The following TEAD1 variants were observed in gnomAD, a reference collection of about 807,000 sequenced individuals.
The protein encoded by TEAD1 is TEA domain transcription factor 1, also known as transcriptional enhancer factor TEF-1.
A neutral mutation model predicts 54.9 loss-of-function variants in TEAD1; 9 were observed. The observed-to-expected ratio is 0.16, with a 90% CI of 0.10 to 0.29. The LOEUF (loss-of-function observed/expected upper bound fraction) is 0.29, where lower values mean the gene tolerates loss of function less well. TEAD1 is among the 10% of genes least tolerant of loss of function. The probability of loss-of-function intolerance (pLI) is 1.00; values close to 1 mark genes in which losing one functional copy is unlikely to be tolerated. For missense variants in TEAD1, 387 were observed against 535.9 expected (o/e 0.72, Z 2.74); for synonymous variants, 200 against 187.8 (o/e 1.07, Z -0.53).
chr11:12,728,263 G>T (rs752202572), intron 2 of TEAD1, among the ~76,000 whole-genome samples: 12 of 152,174 alleles, frequency 7.9e-5, no homozygotes, highest in Non-Finnish European at 1.6e-4. Context: ...TTCTCTTTTG[G>T]TCAGTGAGAC....
chr11:12,743,257 C>G (rs948160794), intron 2 of TEAD1, among the ~76,000 whole-genome samples: 11 of 152,172 alleles, frequency 7.2e-5, no homozygotes, highest in Admixed American at 4.6e-4. Flanking sequence ...CAATATATGT[C>G]GAGCTTATTG....
Position 12,736,128 on chromosome 11 carries a change from G to T in TEAD1, c.-54-28051G>T, listed in dbSNP as rs528311944. 2.6e-5 allele frequency among the ~76,000 whole-genome samples: 4 copies of T among 152,246 alleles called. No individual in the cohort carries two copies. In the South Asian group the frequency reaches 6.2e-4, roughly 24 times the overall value. ...ATGATTGTGACAATTGTTTACTCTG[G>T]CAAGTAGTTTGCCTCTTGGATTCCT... On this transcript the variant is annotated intron_variant, in intron 2 of 12. Coordinates refer to ENST00000527636, the MANE Select transcript of TEAD1 (RefSeq NM_021961.6).
chr11:12,683,930 C>T (rs908103893), intron 2 of TEAD1, among the ~76,000 whole-genome samples: 2 of 152,212 alleles, frequency 1.3e-5, no homozygotes, highest in African/African-American at 2.4e-5. Flanking sequence ...CTGCAAGCCT[C>T]GGTGTCCCCA....
intron 2 of TEAD1, among the ~76,000 whole-genome samples, chr11:12,678,521 C>T (rs1182826702): frequency 1.3e-5 from 2 of 152,164 alleles, no homozygotes; most frequent in South Asian, 4.1e-4. Flanking sequence ...TTTATTCTTT[C>T]ATATTCATAA....
At chr11:12,819,720 G>A (rs1418172948) in intron 3 of TEAD1, among the ~76,000 whole-genome samples, 1 of 152,084 alleles carries the variant, frequency 6.6e-6, no homozygotes, top group East Asian at 1.9e-4. Context: ...CAAAGTGCTG[G>A]GATTACAGGC....
At chr11:12,769,951 C>T (rs1157978296) in intron 3 of TEAD1, among the ~76,000 whole-genome samples, 2 of 151,970 alleles carry the variant, frequency 1.3e-5, no homozygotes, top group Non-Finnish European at 2.9e-5. Flanking sequence ...GCCCTGAGGG[C>T]CTCTCCTGTG....
At chr11:12,902,408 T>C (rs1007805956) in intron 10 of TEAD1, among the ~76,000 whole-genome samples, 9 of 152,360 alleles carry the variant, frequency 5.9e-5, no homozygotes, top group Admixed American at 5.9e-4. Flanking sequence ...TAAAGTTACA[T>C]GCTTCAAGAT....
At chr11:12,741,692 T>A (rs1394651104) in intron 2 of TEAD1, among the ~76,000 whole-genome samples, 1 of 152,164 alleles carries the variant, frequency 6.6e-6, no homozygotes, top group Non-Finnish European at 1.5e-5. Context: ...TAGTTCTGTG[T>A]TGGAGAAAAA....
intron 3 of TEAD1, among the ~76,000 whole-genome samples, chr11:12,840,218 G>A (rs777466888): frequency 7.3e-6 from 1 of 137,420 alleles, no homozygotes; most frequent in Non-Finnish European, 1.5e-5. Context: ...CTGCACTCCA[G>A]CCTGGGCGAC....
chr11:12,754,806 A>G (rs567296859), intron 2 of TEAD1, among the ~76,000 whole-genome samples: 36 of 152,316 alleles, frequency 2.4e-4, no homozygotes, highest in African/African-American at 6.5e-4. Context: ...TTATGACTCA[A>G]TCAGGAGTGA....
intron 10 of TEAD1, among the ~76,000 whole-genome samples, chr11:12,919,702 G>T (rs972474612): frequency 6.6e-6 from 1 of 151,902 alleles, no homozygotes; most frequent in African/African-American, 2.4e-5. Context: ...ATCTCCCTAT[G>T]TTGCCCAGGC....
At position 12,834,763 on chromosome 11, in the gene TEAD1, CT is replaced by C. The variant is rs61145299; in HGVS notation, c.203-27472del. 4.5e-3 allele frequency among the ~76,000 whole-genome samples: 473 copies of C among 104,660 alleles called. 1 individual carries two copies. Among genetic ancestry groups the C allele is most frequent in the Middle Eastern group, 0.011 (2 of 190 alleles). The allele number at this position is 104,660 out of a possible 152,430, so 68.7% of individuals were successfully genotyped here. A position where few individuals can be genotyped will look rare whatever the true frequency, so the allele number is the denominator to read the frequency against. ...AGAGGTTCACACCTCTGTGCCCACTCTTTTTTTTTTTTTTTCTTAATTTTAA... is the reference window on the plus strand; with the variant it reads ...AGAGGTTCACACCTCTGTGCCCACTCTTTTTTTTTTTTTTCTTAATTTTAA... On this transcript the variant is annotated intron_variant, in intron 3 of 12. Transcript: ENST00000527636.
intron 2 of TEAD1, among the ~76,000 whole-genome samples, chr11:12,722,265 C>T (rs548466407): frequency 1.2e-4 from 18 of 152,172 alleles, no homozygotes; most frequent in Admixed American, 5.2e-4. Context: ...TCCACATCTC[C>T]TAAACCTGGT....
intron 3 of TEAD1, among the ~76,000 whole-genome samples, chr11:12,851,433 C>T (rs937052154): frequency 7.2e-5 from 11 of 152,168 alleles, no homozygotes; most frequent in Admixed American, 7.2e-4. Flanking sequence ...CTATGGTAGC[C>T]ATTTTATTAT....
intron 2 of TEAD1, among the ~76,000 whole-genome samples, chr11:12,733,164 T>G (rs1944457657): frequency 6.6e-6 from 1 of 152,194 alleles, no homozygotes; most frequent in Non-Finnish European, 1.5e-5. Context: ...CCTTTTTGGG[T>G]TGTTGTGAAA....
At chr11:12,815,777 GTT>G (rs1460027925) in intron 3 of TEAD1, among the ~76,000 whole-genome samples, 2 of 152,234 alleles carry the variant, frequency 1.3e-5, no homozygotes, top group Non-Finnish European at 2.9e-5. Context: ...AATTTTCTGT[GTT>G]TTCAGCACTG....
rs983033223 is a variant in TEAD1 at position 12,674,629 on chromosome 11, C to G, written c.-413C>G. ...CACAGGCCATGCAGTGACGCCCCCC[C>G]ACCCCTCCACCTTTGCCCGGAGCGC... On this transcript the variant is annotated 5_prime_UTR_variant, in exon 1 of 13. Transcript: ENST00000527636. The G allele has an allele frequency of 2.0e-5, 3 of 151,408 alleles. No homozygotes were observed. Among genetic ancestry groups the G allele is most frequent in the Admixed American group, 2.0e-4 (3 of 15,196 alleles). The allele number at this position is 151,408 out of a possible 1,614,324, so 9.4% of individuals were successfully genotyped here.
At chr11:12,819,357 T>TA (rs1946482181) in intron 3 of TEAD1, among the ~76,000 whole-genome samples, 1 of 152,028 alleles carries the variant, frequency 6.6e-6, no homozygotes, top group African/African-American at 2.4e-5. Context: ...GTTACCTATA[T>TA]AAATATTCAC....
chr11:12,816,970 A>ATG (rs368454652), intron 3 of TEAD1, among the ~76,000 whole-genome samples: 293 of 152,266 alleles, frequency 1.9e-3, no homozygotes, highest in African/African-American at 6.6e-3. Context: ...GTTTCTTTCC[A>ATG]TGTGTGATGC....
Sources: allele counts gnomAD v4.1 joint callset (sites outside exome capture counted in the v4.1 genomes callset), GRCh38; gene constraint gnomAD v4.1.1; transcripts MANE v1.5; gene names NCBI Gene and HGNC (gene_info 2026-07-23, HGNC 2026-07-21).